RELN: variants seen among roughly 807,000 people sequenced by gnomAD.
The protein encoded by RELN is reelin.
Under a neutral mutation model 427.6 loss-of-function variants are expected in RELN, and 108 were observed. The observed-to-expected ratio is 0.25, with a 90% CI of 0.22 to 0.30. RELN has a LOEUF of 0.30. Ranked by LOEUF, RELN falls within the 10% of genes least tolerant of loss-of-function variation. RELN has a pLI of 1.00. For missense variants in RELN, 3,715 were observed against 4,302.8 expected (o/e 0.86, Z 3.82); for synonymous variants, 1,524 against 1,513.4 (o/e 1.01, Z -0.16).
chr7:103,792,461 A>C (rs1189107396), intron 3 of RELN, among the ~76,000 whole-genome samples: 2 of 151,388 alleles, frequency 1.3e-5, no homozygotes, highest in African/African-American at 4.9e-5. Context: ...AAAAAAATCC[A>C]GTCAGAGAAT....
At chr7:103,614,957 C>G (rs764345991) in intron 20 of RELN, among the ~76,000 whole-genome samples, 4 of 152,010 alleles carry the variant, frequency 2.6e-5, no homozygotes, top group Non-Finnish European at 5.9e-5. Context: ...AGACTGTGAT[C>G]CTTTAACTTA....
At chr7:103,572,347 C>T in intron 30 of RELN, 87 bp from the exon 31 acceptor site, 2 of 759,616 alleles carry the variant, frequency 2.6e-6, no homozygotes, top group Non-Finnish European at 4.7e-6. Flanking sequence ...GAAAAAAACC[C>T]TCCTGTATTT....
intron 53 of RELN, 73 bp downstream of exon 53, chr7:103,500,672 C>T: frequency 6.9e-7 from 1 of 1,458,344 alleles, no homozygotes; most frequent in Non-Finnish European, 9.6e-7. Context: ...TAGATTATGT[C>T]TCATACATAA....
At chr7:103,520,436 C>T (rs906983977) in intron 48 of RELN, among the ~76,000 whole-genome samples, 33 of 151,926 alleles carry the variant, frequency 2.2e-4, no homozygotes, top group African/African-American at 6.3e-4. Context: ...CTACCACACC[C>T]GGCTAATTTT....
chr7:103,485,136 C>T (rs1828384750), intron 61 of RELN, among the ~76,000 whole-genome samples: 1 of 149,690 alleles, frequency 6.7e-6, no homozygotes, highest in African/African-American at 2.5e-5. Context: ...CATAGTGTGC[C>T]ATTGCTAACT....
intron 19 of RELN, among the ~76,000 whole-genome samples, chr7:103,631,600 A>T (rs1446792783): frequency 6.6e-6 from 1 of 151,928 alleles, no homozygotes; most frequent in Non-Finnish European, 1.5e-5. Flanking sequence ...CCCTAAAAAC[A>T]CTTCTTAAAC....
At chr7:103,727,635 T>G (rs11973791) in intron 7 of RELN, among the ~76,000 whole-genome samples, 1,592 of 152,268 alleles carry the variant, frequency 0.01, 25 homozygotes, top group African/African-American at 0.036. Flanking sequence ...TTTAAAAAAC[T>G]GGTTTATTCA....
At chr7:103,678,056 G>C (rs75607872) in intron 11 of RELN, among the ~76,000 whole-genome samples, 5,550 of 152,182 alleles carry the variant, frequency 0.036, 174 homozygotes, top group East Asian at 0.16. Flanking sequence ...GGGCAGGTGG[G>C]GAAGACTACA....
At chr7:103,543,428 C>A (rs1355385937) in intron 42 of RELN, among the ~76,000 whole-genome samples, 1 of 152,118 alleles carries the variant, frequency 6.6e-6, no homozygotes, top group Non-Finnish European at 1.5e-5. Flanking sequence ...GGTGGATCAC[C>A]TGAGGTCAGG....
chr7:103,926,292 C>G (rs1320441950), intron 1 of RELN, among the ~76,000 whole-genome samples: 1 of 151,876 alleles, frequency 6.6e-6, no homozygotes, highest in Admixed American at 6.6e-5. Context: ...GATGGGGTTT[C>G]ACCATGTTGG....
chr7:103,749,620 A>C, intron 5 of RELN, 116 bp from the exon 6 acceptor site: 1 of 773,032 alleles, frequency 1.3e-6, no homozygotes, highest in Non-Finnish European at 2.3e-6. Context: ...ACTAAATTTT[A>C]AATGAGCAGT....
chr7:103,828,882 C>T (rs1188408259), intron 3 of RELN, among the ~76,000 whole-genome samples: 2 of 152,034 alleles, frequency 1.3e-5, no homozygotes, highest in East Asian at 3.9e-4. Flanking sequence ...ATACTGCAAA[C>T]TCTTATTTAA....
chr7:103,581,122 T>C (rs981479788), intron 28 of RELN, among the ~76,000 whole-genome samples: 28 of 152,128 alleles, frequency 1.8e-4, no homozygotes, highest in African/African-American at 6.7e-4. Context: ...GAGAGTACAA[T>C]CAAGAACTGA....
At chr7:103,636,210 T>C (rs756011511) in intron 18 of RELN, 25 bp downstream of exon 18, 3 of 1,460,202 alleles carry the variant, frequency 2.1e-6, no homozygotes, top group Non-Finnish European at 1.9e-6. Context: ...GGTTTTTGTA[T>C]GTATTCTACC....
chr7:103,557,413 T>G (rs531737957), intron 37 of RELN, among the ~76,000 whole-genome samples: 17 of 152,234 alleles, frequency 1.1e-4, no homozygotes, highest in Non-Finnish European at 1.5e-4. Context: ...CAGGCATCTT[T>G]CTGTATTTAG....
chr7:103,871,810 T>C (rs1420331592), intron 2 of RELN, among the ~76,000 whole-genome samples: 3 of 152,060 alleles, frequency 2.0e-5, no homozygotes, highest in Non-Finnish European at 4.4e-5. Context: ...CAGTTCCTCT[T>C]TGGAAGAGAG....
At chr7:103,772,386 A>T (rs186927712) in intron 4 of RELN, among the ~76,000 whole-genome samples, 2 of 152,346 alleles carry the variant, frequency 1.3e-5, no homozygotes, top group East Asian at 3.9e-4. Flanking sequence ...TTGTTTCCTC[A>T]TCTTCAAAGT....
At chr7:103,926,642 T>G (rs1261202020) in intron 1 of RELN, among the ~76,000 whole-genome samples, 98 of 29,036 alleles carry the variant, frequency 3.4e-3, no homozygotes, top group African/African-American at 0.02. Context: ...TTTTTTTTTT[T>G]TTTTTTTTTT....
chr7:103,805,131 AAC>A lies in RELN; in HGVS notation c.473+28404_473+28405del, dbSNP rs528575948. Among the ~76,000 whole-genome samples the A allele has an allele frequency of 5.0e-3, 755 of 152,184 alleles. 4 individuals carry two copies. Among genetic ancestry groups the A allele is most frequent in the Non-Finnish European group, 7.9e-3 (537 of 67,990 alleles). On this transcript the variant is annotated intron_variant, in intron 3 of 64. Transcript: ENST00000428762. ...GGATTCTGCTCTTGATTTTGCCACT[AAC>A]AATCTGGCTGAGTGAACTTGGGTAA...
Sources: allele counts gnomAD v4.1 joint callset (sites outside exome capture counted in the v4.1 genomes callset), GRCh38; gene constraint gnomAD v4.1.1; transcripts MANE v1.5; gene names NCBI Gene and HGNC (gene_info 2026-07-23, HGNC 2026-07-21).